Variants in CCDC30 observed in about 807,000 individuals in gnomAD.
CCDC30 encodes the protein coiled-coil domain containing 30, also known as coiled-coil domain-containing protein 30.
A neutral mutation model predicts 100.2 loss-of-function variants in CCDC30; 70 were observed. The observed-to-expected ratio is 0.70, with a 90% CI of 0.58 to 0.85. The LOEUF (loss-of-function observed/expected upper bound fraction) is 0.85, where lower values mean the gene tolerates loss of function less well. CCDC30 is among the 40% of genes least tolerant of loss of function. The pLI is 0.00. For missense variants in CCDC30, 652 were observed against 771.2 expected, an observed-to-expected ratio of 0.85 and a Z score of 1.83; for synonymous variants, 233 against 269.5, an observed-to-expected ratio of 0.86 and a Z score of 1.33.
At chr1:42,585,820 AT>A (rs1212298857) in intron 9 of CCDC30, among the ~76,000 whole-genome samples, 1 of 152,068 alleles carries the variant, frequency 6.6e-6, no homozygotes, top group East Asian at 1.9e-4. Flanking sequence ...TTTATCCCAA[AT>A]ATTTAGAATT....
In CCDC30 at chr1:42,581,456, G is replaced by T. The variant is rs1279201687; in HGVS notation, c.943G>T (p.Glu315Ter). The T allele has an allele frequency of 2.5e-6, 4 of 1,613,724 alleles. No individual in the cohort carries two copies. In the South Asian group the frequency reaches 4.4e-5, roughly 18 times the overall value. ...GCAGCAGCTAGAGGAAAAGATAAAA[G>T]AAGCAACACAAAATGAAGCTAAAGT... The change falls in exon 9 of 17, where the codon GAA becomes TAA. Residue 315 changes from glutamate to a stop codon, truncating the protein, a stop_gained. Transcript: ENST00000668663. LOFTEE classifies it high-confidence loss of function.
At chr1:42,457,867 A>C in the CCDC30 span, among the ~76,000 whole-genome samples, 1 of 151,512 alleles carries the variant, frequency 6.6e-6, no homozygotes, top group South Asian at 2.1e-4. Context: ...AGGCAGAAGA[A>C]TCGCTTGAAA....
chr1:42,641,953 T>C (rs12034126), intron 12 of CCDC30, among the ~76,000 whole-genome samples: 22,018 of 152,070 alleles, frequency 0.14, 1,756 homozygotes, highest in East Asian at 0.28. Context: ...GGGCTGGGCA[T>C]GGTGGCTCAC....
In CCDC30 at chr1:42,581,120, C is replaced by T. The variant is rs563932995; in HGVS notation, c.847-240C>T. 211 of 399,056 alleles carry T rather than the reference C, an allele frequency of 5.3e-4. 1 individual carries two copies. The highest frequency in any genetic ancestry group is 4.1e-3 in the African/African-American group (200 of 48,644). 24.7% of individuals were successfully genotyped at this position (399,056 alleles called of 1,614,324 possible). On this transcript the variant is annotated intron_variant, in intron 8 of 16. Coordinates refer to ENST00000668663, the Ensembl canonical transcript of CCDC30. ...CCTCCCACAGTTCTGGGATTACAGGCGTGAGCCAGCATGTCTGGCCTGTAG... is the reference window on the plus strand; with the variant it reads ...CCTCCCACAGTTCTGGGATTACAGGTGTGAGCCAGCATGTCTGGCCTGTAG...
At chr1:42,497,033 G>A in intron 4 of CCDC30, 65 bp from the exon 5 acceptor site, 1 of 800,274 alleles carries the variant, frequency 1.2e-6, no homozygotes, top group Non-Finnish European at 1.7e-6. Context: ...TTCGTTTTTA[G>A]AGTTAGTGCC....
chr1:42,537,142 AG>A (rs1448919284), intron 6 of CCDC30: 6 of 454,300 alleles, frequency 1.3e-5, no homozygotes, highest in Non-Finnish European at 2.2e-5. Flanking sequence ...TCTAGCACTA[AG>A]CAAAGAGTCC....
chr1:42,644,605 G>A (rs7523056), intron 13 of CCDC30, 88 bp from the exon 18 acceptor site: 460,938 of 744,290 alleles, frequency 0.62, 144,343 homozygotes, highest in African/African-American at 0.76. Flanking sequence ...TCTAAGATCC[G>A]GGGCCAGTGG....
chr1:42,482,994 A>G, intron 3 of CCDC30, 178 bp downstream of exon 3: 1 of 411,062 alleles, frequency 2.4e-6, no homozygotes, highest in Non-Finnish European at 4.1e-6. Context: ...AAGCCCAAGC[A>G]TATCTACCAA....
intron 7 of CCDC30, among the ~76,000 whole-genome samples, chr1:42,570,132 C>T (rs1275304125): frequency 6.6e-6 from 1 of 151,858 alleles, no homozygotes; most frequent in African/African-American, 2.4e-5. Context: ...TAATTTAAAA[C>T]TAAAATAAAT....
intron 1 of CCDC30, chr1:42,464,132 G>C (rs559264161): frequency 5.8e-4 from 88 of 152,310 alleles, no homozygotes; most frequent in African/African-American, 2.0e-3. Flanking sequence ...CAGCTCTGCA[G>C]TCATTGGGAA....
intron 3 of CCDC30, among the ~76,000 whole-genome samples, chr1:42,489,666 C>T (rs1015125225): frequency 1.3e-5 from 2 of 152,148 alleles, no homozygotes; most frequent in African/African-American, 4.8e-5. Context: ...AATAGTCTTC[C>T]TAAATATCAC....
At chr1:42,508,513 A>G (rs1488597609) in intron 6 of CCDC30, among the ~76,000 whole-genome samples, 2 of 152,232 alleles carry the variant, frequency 1.3e-5, no homozygotes, top group Non-Finnish European at 2.9e-5. Context: ...GTTATTACAC[A>G]AAGCCCTCTC....
intron 6 of CCDC30, among the ~76,000 whole-genome samples, chr1:42,552,918 G>C (rs550503804): frequency 5.8e-4 from 89 of 152,194 alleles, no homozygotes; most frequent in African/African-American, 2.1e-3. Context: ...GCAGGGTAGG[G>C]GAGCTCTTTA....
chr1:42,602,058 C>T (rs1646414113), intron 10 of CCDC30, among the ~76,000 whole-genome samples: 1 of 151,896 alleles, frequency 6.6e-6, no homozygotes, highest in Non-Finnish European at 1.5e-5. Flanking sequence ...GGACTAAAGG[C>T]TCTTGACAGC....
In CCDC30 at chr1:42,610,977, G is replaced by C. The variant is rs748148403; in HGVS notation, c.1165-1G>C. On this transcript the variant is annotated splice_acceptor_variant, in intron 10 of 16. Coordinates refer to ENST00000668663, the Ensembl canonical transcript of CCDC30. LOFTEE classifies it high-confidence loss of function. ...TCTCATTATTTTTCAATGTTTTTCA[G>C]CATGTCAAAAGCAACCAGGAATTGT... 9.1e-6 allele frequency: 14 copies of C among 1,544,756 alleles called. No homozygotes were observed. Among genetic ancestry groups the C allele is most frequent in the Non-Finnish European group, 9.8e-6 (11 of 1,119,768 alleles).
At chr1:42,500,339 T>C (rs921261729) in intron 6 of CCDC30, 4 of 1,601,374 alleles carry the variant, frequency 2.5e-6, no homozygotes, top group Non-Finnish European at 3.4e-6. Context: ...TTGTCAGACA[T>C]AGTTGCCGAG....
At chr1:42,633,928 C>T (rs1160504620) in intron 11 of CCDC30, among the ~76,000 whole-genome samples, 1 of 152,018 alleles carries the variant, frequency 6.6e-6, no homozygotes, top group Non-Finnish European at 1.5e-5. Context: ...GCAAACACGT[C>T]CTTCACATGG....
At chr1:42,506,341 C>G (rs1188126957) in intron 6 of CCDC30, among the ~76,000 whole-genome samples, 2 of 151,970 alleles carry the variant, frequency 1.3e-5, no homozygotes, top group Non-Finnish European at 2.9e-5. Flanking sequence ...TTGAGAACAC[C>G]TGTAAAAGTC....
chr1:42,646,696 C>A (rs1647911468), intron 15 of CCDC30, among the ~76,000 whole-genome samples: 1 of 152,180 alleles, frequency 6.6e-6, no homozygotes, highest in African/African-American at 2.4e-5. Flanking sequence ...GCCAGGATAA[C>A]CCCTTTGGGA....
Sources: gnomAD v4.1 joint callset for allele counts (sites outside exome capture counted in the v4.1 genomes callset) on GRCh38, gnomAD v4.1.1 for gene constraint, MANE v1.5 for transcripts, NCBI Gene and HGNC (gene_info 2026-07-23, HGNC 2026-07-21) for gene names.